MGST1: variants seen among roughly 807,000 people sequenced by gnomAD.
The protein encoded by MGST1 is glutathione S-transferase 12.
Under a neutral mutation model 8.9 loss-of-function variants are expected in MGST1, and 5 were observed. That is an observed-to-expected ratio of 0.56 (90% CI 0.29 to 1.19). MGST1 has a LOEUF of 1.19. Among genes scored for constraint, MGST1 ranks in the 50% most tolerant of loss-of-function variants. MGST1 has a pLI of 0.08. For missense variants in MGST1, 182 were observed against 187.4 expected, an observed-to-expected ratio of 0.97 and a Z score of 0.17; for synonymous variants, 54 against 67.8, an observed-to-expected ratio of 0.80 and a Z score of 1.00.
At chr12:16,451,898 C>A (rs1200364527) in intron 4 of MGST1, among the ~76,000 whole-genome samples, 1 of 151,770 alleles carries the variant, frequency 6.6e-6, no homozygotes, top group Non-Finnish European at 1.5e-5. Flanking sequence ...TGTTTTCCAT[C>A]TTAGTGTAGG....
chr12:16,399,295 G>T (rs1029572580), intron 1 of MGST1: 6 of 1,604,924 alleles, frequency 3.7e-6, no homozygotes, highest in Admixed American at 1.7e-5. Flanking sequence ...TTTTTCTTGG[G>T]GGGTGCAGAG....
rs567118629 is a variant in MGST1, at chr12:16,388,620, G to C, written n.778+5016G>C. Among the ~76,000 whole-genome samples the C allele has an allele frequency of 3.3e-5, 5 of 152,248 alleles. No homozygotes were observed. The South Asian group carries it at 1.0e-3, about 32-fold the overall frequency. Reference sequence around the variant, plus strand: ...AAACCAGTTAATTAACTATATGCTTGGTTGTCACAGCAATATCAGCTGGCT... The same window carrying C: ...AAACCAGTTAATTAACTATATGCTTCGTTGTCACAGCAATATCAGCTGGCT... On this transcript the variant is annotated intron_variant and non_coding_transcript_variant, in intron 1 of 1. Coordinates refer to the MGST1 transcript ENST00000359720.
intron 4 of MGST1, among the ~76,000 whole-genome samples, chr12:16,484,044 A>G (rs1462022635): frequency 6.6e-6 from 1 of 152,260 alleles, no homozygotes; most frequent in Non-Finnish European, 1.5e-5. Flanking sequence ...TAACAGAAAG[A>G]TAACTACGTA....
At chr12:16,369,372 T>C (rs1162138233), downstream of MGST1, among the ~76,000 whole-genome samples, 1 of 152,204 alleles carries the variant, frequency 6.6e-6, no homozygotes, top group African/African-American at 2.4e-5. This position sits in a 1 kb window ranked among gnomAD's most constrained non-coding sequence, Gnocchi z 4.8. Flanking sequence ...TTTGCTCATG[T>C]GTTTGCTGTA....
At chr12:16,394,214 G>A (rs1940578461) in intron 1 of MGST1, among the ~76,000 whole-genome samples, 1 of 152,156 alleles carries the variant, frequency 6.6e-6, no homozygotes. Context: ...ATTAGTGAAT[G>A]ATTAATAGTA....
At chr12:16,485,087 C>G (rs931903024) in intron 4 of MGST1, among the ~76,000 whole-genome samples, 1 of 152,160 alleles carries the variant, frequency 6.6e-6, no homozygotes, top group Non-Finnish European at 1.5e-5. Context: ...ATTGTATTCC[C>G]TCAGCTGTCA....
rs575436277 is a variant in MGST1 at position 16,507,236 on chromosome 12, A to T, written n.483-82292A>T. On this transcript the variant is annotated intron_variant and non_coding_transcript_variant, in intron 4 of 4. Transcript: ENST00000538857. The stretch of plus-strand genomic sequence containing the variant: ...GGAGAAAGAAGACAACATTGGGCCA[A>T]TGTGTTTGGTAGAGAGAAAATATTA... Among the ~76,000 whole-genome samples, 6 of 152,270 alleles carry T rather than the reference A, an allele frequency of 3.9e-5. No homozygotes were observed. In the South Asian group the frequency reaches 6.2e-4, roughly 16 times the overall value.
intron 1 of MGST1, among the ~76,000 whole-genome samples, chr12:16,391,225 G>A (rs67373047): frequency 0.079 from 11,982 of 151,002 alleles, 580 homozygotes; most frequent in East Asian, 0.22. Context: ...CATGTACCAC[G>A]GTGGTTTGCT....
rs781167969 is a variant in MGST1 at position 16,584,903 on chromosome 12, G to A, written n.483-4625G>A. Among the ~76,000 whole-genome samples the A allele has an allele frequency of 6.6e-5, 10 of 152,112 alleles. No individual in the cohort carries two copies. Among genetic ancestry groups the A allele is most frequent in the Non-Finnish European group, 1.0e-4 (7 of 68,024 alleles). ...AGGAAATATTTTCAAACACCTTAGC[G>A]AACTGTACACATTAAAGGGCCTGAT... On this transcript the variant is annotated intron_variant and non_coding_transcript_variant, in intron 4 of 4. Transcript: ENST00000538857. The surrounding 1 kb of genome is among the most constrained non-coding windows in gnomAD (Gnocchi z 5.2).
At chr12:16,476,563 T>A (rs988355149) in intron 4 of MGST1, among the ~76,000 whole-genome samples, 3 of 152,196 alleles carry the variant, frequency 2.0e-5, no homozygotes, top group African/African-American at 4.8e-5. Context: ...AATTTTCTTT[T>A]AAAATGTGCT....
chr12:16,354,335 T>C lies in MGST1; in HGVS notation c.83T>C (p.Met28Thr), dbSNP rs1254390588. ...GCAACAATTATTCTTTCAAAAATGA[T>C]GCTTATGAGTACTGCAACTGCATTC... ...SYATIILSKM[M>T]LMSTATAFYR... The change falls in exon 2 of 4, where the codon ATG becomes ACG. Residue 28 changes from methionine to threonine, a missense_variant. Coordinates refer to ENST00000396210, the MANE Select transcript of MGST1 (RefSeq NM_020300.5). 2 of 1,608,250 alleles carry C rather than the reference T, an allele frequency of 1.2e-6. No individual in the cohort carries two copies. Among genetic ancestry groups the C allele is most frequent in the Non-Finnish European group, 1.7e-6 (2 of 1,178,258 alleles).
rs1370582096 is a variant in MGST1 at position 16,503,748 on chromosome 12, A to G, written n.483-85780A>G. Among the ~76,000 whole-genome samples the G allele has an allele frequency of 7.9e-5, 12 of 151,924 alleles. No individual in the cohort carries two copies. Among genetic ancestry groups the G allele is most frequent in the Non-Finnish European group, 1.5e-4 (10 of 67,986 alleles). The stretch of plus-strand genomic sequence containing the variant: ...GCCGTGGTAACACCTGGAAGTTACC[A>G]CCCCTTTCCATGACAATGACCCAAC... On this transcript the variant is annotated intron_variant and non_coding_transcript_variant, in intron 4 of 4. Coordinates refer to the MGST1 transcript ENST00000538857. This position sits in a 1 kb window ranked among gnomAD's most constrained non-coding sequence, Gnocchi z 4.8.
chr12:16,478,589 A>G (rs1275097236), intron 4 of MGST1, among the ~76,000 whole-genome samples: 1 of 152,026 alleles, frequency 6.6e-6, no homozygotes, highest in East Asian at 1.9e-4. Context: ...TCTTAGACTG[A>G]TTAAACCACA....
At chr12:16,563,494 A>AT (rs1168855068) in intron 4 of MGST1, among the ~76,000 whole-genome samples, 4 of 152,134 alleles carry the variant, frequency 2.6e-5, no homozygotes, top group Admixed American at 1.3e-4. Flanking sequence ...CCTTTGTAAG[A>AT]TTTTTTTTCA....
intron 1 of MGST1, among the ~76,000 whole-genome samples, chr12:16,393,083 C>T (rs1940568572): frequency 6.6e-6 from 1 of 151,238 alleles, no homozygotes; most frequent in East Asian, 2.0e-4. Context: ...TGAGAATAGA[C>T]AGTGGTCTTA....
At chr12:16,442,523 T>A (rs1941047162), downstream of MGST1, among the ~76,000 whole-genome samples, 1 of 151,906 alleles carries the variant, frequency 6.6e-6, no homozygotes, top group African/African-American at 2.4e-5. The surrounding 1 kb of genome is among the most constrained non-coding windows in gnomAD (Gnocchi z 4.5). Context: ...TTATTTATTT[T>A]TTGCATGCGG....
Position 16,513,592 on chromosome 12 carries a change from A to T in MGST1, n.483-75936A>T. The T allele has an allele frequency of 2.0e-6, 1 of 494,226 alleles. No individual in the cohort carries two copies. Among genetic ancestry groups the T allele is most frequent in the Non-Finnish European group, 4.1e-6 (1 of 242,264 alleles). 30.6% of individuals were successfully genotyped at this position (494,226 alleles called of 1,614,324 possible). A position where few individuals can be genotyped will look rare whatever the true frequency, so the allele number is the denominator to read the frequency against. On this transcript the variant is annotated intron_variant and non_coding_transcript_variant, in intron 4 of 4. Transcript: ENST00000538857. The surrounding 1 kb of genome is among the most constrained non-coding windows in gnomAD (Gnocchi z 4.2). ...GATGAATCTGGGAGTTAGTGCCTACAGGGACCACAACGGAAAGCCTTACAG... is the reference window on the plus strand; with the variant it reads ...GATGAATCTGGGAGTTAGTGCCTACTGGGACCACAACGGAAAGCCTTACAG...
intron 4 of MGST1, among the ~76,000 whole-genome samples, chr12:16,522,234 G>A (rs983624545): frequency 1.3e-5 from 2 of 152,080 alleles, no homozygotes; most frequent in Non-Finnish European, 1.5e-5. Flanking sequence ...CGATGGGATC[G>A]ATGGAAGATG....
At chr12:16,412,623 T>G (rs1336614359) in intron 1 of MGST1, among the ~76,000 whole-genome samples, 1 of 152,132 alleles carries the variant, frequency 6.6e-6, no homozygotes, top group Non-Finnish European at 1.5e-5. Flanking sequence ...AATTAAATCA[T>G]GCGGATGAGT....
Sources: allele counts gnomAD v4.1 joint callset (sites outside exome capture counted in the v4.1 genomes callset), GRCh38; gene constraint gnomAD v4.1.1; non-coding constraint Gnocchi (gnomAD v3.1); transcripts MANE v1.5; gene names NCBI Gene and HGNC (gene_info 2026-07-23, HGNC 2026-07-21).